Variants in CNTN5 observed in about 807,000 individuals in gnomAD.
The protein encoded by CNTN5 is contactin 5.
A neutral mutation model predicts 129.1 loss-of-function variants in CNTN5; 77 were observed. The ratio of observed to expected loss-of-function variants is 0.60; its 90% CI spans 0.50 to 0.72. The LOEUF (loss-of-function observed/expected upper bound fraction) is 0.72. Ranked by LOEUF, CNTN5 falls within the 30% of genes least tolerant of loss-of-function variation. The pLI, the probability that CNTN5 is intolerant of heterozygous loss-of-function variation, is 0.00. For synonymous variants in CNTN5, 509 were observed against 465.6 expected (o/e 1.09, Z -1.20); for missense variants, 1,478 against 1,328.8 (o/e 1.11, Z -1.75).
intron 3 of CNTN5, among the ~76,000 whole-genome samples, chr11:99,639,730 A>G (rs1951701432): frequency 1.3e-5 from 2 of 151,736 alleles, no homozygotes; most frequent in Admixed American, 6.6e-5. Context: ...ACGCCCAGCT[A>G]ATTTTTTGTA....
chr11:99,823,119 C>A (rs1946852082), intron 4 of CNTN5, among the ~76,000 whole-genome samples: 1 of 152,204 alleles, frequency 6.6e-6, no homozygotes, highest in South Asian at 2.1e-4. Context: ...GAGACAGCCT[C>A]CCACCTTTTG....
intron 6 of CNTN5, among the ~76,000 whole-genome samples, chr11:99,891,373 C>T (rs1949054101): frequency 6.6e-6 from 1 of 151,932 alleles, no homozygotes; most frequent in African/African-American, 2.4e-5. Context: ...GGCACTAGTT[C>T]AGAACGTGCA....
intron 13 of CNTN5, among the ~76,000 whole-genome samples, chr11:100,125,866 G>GT (rs1443414500): frequency 2.6e-5 from 4 of 151,558 alleles, no homozygotes; most frequent in South Asian, 2.1e-4. Context: ...TTTAATTATT[G>GT]TTTTTTTAGT....
chr11:99,552,212 TGTG>T lies in CNTN5; in HGVS notation c.-70-3932_-70-3930del, dbSNP rs199957852. On this transcript the variant is annotated intron_variant, in intron 2 of 24. Coordinates refer to ENST00000524871, the MANE Select transcript of CNTN5 (RefSeq NM_014361.4). The stretch of plus-strand genomic sequence containing the variant: ...ATGAGCTACGCACCTGGTCAGTTTT[TGTG>T]TTTTTTTTTTTGTATTATATTTTGC... Among the ~76,000 whole-genome samples the T allele has an allele frequency of 1.1e-3, 168 of 147,380 alleles. 3 individuals are homozygous for T. In the East Asian group the frequency reaches 0.022, roughly 19 times the overall value.
At chr11:99,481,854 C>A (rs1207930043) in intron 2 of CNTN5, among the ~76,000 whole-genome samples, 1 of 152,160 alleles carries the variant, frequency 6.6e-6, no homozygotes, top group African/African-American at 2.4e-5. Context: ...ATTCTCTGTA[C>A]TGCAATTATA....
chr11:99,910,024 T>C (rs11827496), intron 6 of CNTN5, among the ~76,000 whole-genome samples: 49,212 of 151,996 alleles, frequency 0.32, 8,864 homozygotes, highest in Non-Finnish European at 0.41. Flanking sequence ...TTTAATCAAA[T>C]AATTTTATTG....
At chr11:99,510,189 A>G (rs1259981020) in intron 2 of CNTN5, among the ~76,000 whole-genome samples, 1 of 152,122 alleles carries the variant, frequency 6.6e-6, no homozygotes, top group Non-Finnish European at 1.5e-5. Context: ...CAGAAAGAAC[A>G]AAATGGGGCA....
chr11:99,817,638 G>A (rs1466265374), intron 3 of CNTN5, among the ~76,000 whole-genome samples: 1 of 138,248 alleles, frequency 7.2e-6, no homozygotes, highest in Non-Finnish European at 1.5e-5. Context: ...AAATGAGCAG[G>A]GCAGAGAGTT....
intron 13 of CNTN5, among the ~76,000 whole-genome samples, chr11:100,081,574 AAT>A (rs1441686412): frequency 6.6e-6 from 1 of 152,128 alleles, no homozygotes. Context: ...TGAATCCAGC[AAT>A]GGGGTGAGAG....
intron 9 of CNTN5, among the ~76,000 whole-genome samples, chr11:100,049,132 T>A (rs115947841): frequency 0.014 from 2,092 of 152,224 alleles, 60 homozygotes; most frequent in African/African-American, 0.048. Context: ...GAGCAAGAAA[T>A]GTTTTTTTAA....
At chr11:100,184,260 G>A (rs529662319) in intron 13 of CNTN5, among the ~76,000 whole-genome samples, 10 of 152,194 alleles carry the variant, frequency 6.6e-5, no homozygotes, top group Non-Finnish European at 1.3e-4. Context: ...TAAAGAACTA[G>A]ATATTATGAC....
At chr11:100,157,431 G>T (rs1341278473) in intron 13 of CNTN5, among the ~76,000 whole-genome samples, 1 of 151,478 alleles carries the variant, frequency 6.6e-6, no homozygotes, top group Non-Finnish European at 1.5e-5. Flanking sequence ...TTCTATTTAA[G>T]GAAATTTTTC....
chr11:100,077,346 C>T (rs1287616081), intron 13 of CNTN5, among the ~76,000 whole-genome samples: 2 of 152,130 alleles, frequency 1.3e-5, no homozygotes, highest in African/African-American at 4.8e-5. Flanking sequence ...GTGCCCCACT[C>T]ATCCAACCTA....
intron 18 of CNTN5, among the ~76,000 whole-genome samples, chr11:100,289,130 C>G (rs1310485445): frequency 6.6e-6 from 1 of 151,746 alleles, no homozygotes; most frequent in South Asian, 2.1e-4. Flanking sequence ...GTTTACCAAC[C>G]AAAAAGAGTC....
intron 13 of CNTN5, among the ~76,000 whole-genome samples, chr11:100,133,355 A>T (rs1304036856): frequency 6.6e-6 from 1 of 152,018 alleles, no homozygotes; most frequent in African/African-American, 2.4e-5. Flanking sequence ...GGCTAATGGG[A>T]TTCATTTTGG....
At chr11:99,323,996 T>C (rs1319999308) in intron 1 of CNTN5, among the ~76,000 whole-genome samples, 5 of 152,152 alleles carry the variant, frequency 3.3e-5, no homozygotes, top group Non-Finnish European at 5.9e-5. Flanking sequence ...ACAATTTGTA[T>C]ACTACAATAA....
At chr11:99,489,810 T>G (rs758482123) in intron 2 of CNTN5, among the ~76,000 whole-genome samples, 1 of 151,764 alleles carries the variant, frequency 6.6e-6, no homozygotes, top group Non-Finnish European at 1.5e-5. Context: ...GGAGAGCAAG[T>G]GATGAAAGAG....
At chr11:100,349,045 C>T (rs2139034347) in intron 23 of CNTN5, among the ~76,000 whole-genome samples, 1 of 151,914 alleles carries the variant, frequency 6.6e-6, no homozygotes, top group Non-Finnish European at 1.5e-5. Flanking sequence ...CTATAGCATC[C>T]TTCACAATAA....
At chr11:100,004,036 C>T (rs984849245) in intron 9 of CNTN5, 1 of 152,164 alleles carries the variant, frequency 6.6e-6, no homozygotes, top group African/African-American at 2.4e-5. Flanking sequence ...TGGTGTGGAT[C>T]ACCATTTCAT....
Sources: gnomAD v4.1 joint callset for allele counts (sites outside exome capture counted in the v4.1 genomes callset) on GRCh38, gnomAD v4.1.1 for gene constraint, MANE v1.5 for transcripts, NCBI Gene and HGNC (gene_info 2026-07-23, HGNC 2026-07-21) for gene names.